PHYHIPL: variants seen among roughly 807,000 people sequenced by gnomAD.
PHYHIPL encodes phytanoyl-CoA 2-hydroxylase interacting protein like.
In PHYHIPL, 9 loss-of-function variants were observed where a neutral mutation model predicts 33.4. The observed-to-expected ratio is 0.27, with a 90% CI of 0.16 to 0.47. The LOEUF (loss-of-function observed/expected upper bound fraction) is 0.47, where lower values mean the gene tolerates loss of function less well. PHYHIPL is among the 20% of genes least tolerant of loss of function. The probability of loss-of-function intolerance (pLI) is 0.99; values close to 1 mark genes in which losing one functional copy is unlikely to be tolerated. For missense variants in PHYHIPL, 365 were observed against 460.7 expected, an observed-to-expected ratio of 0.79 and a Z score of 1.90; for synonymous variants, 153 against 154.1, an observed-to-expected ratio of 0.99 and a Z score of 0.05.
At chr10:59,222,194 A>G (rs12412923) in intron 1 of PHYHIPL, among the ~76,000 whole-genome samples, 14,200 of 152,098 alleles carry the variant, frequency 0.093, 848 homozygotes, top group South Asian at 0.2. Flanking sequence ...CAGAATAATT[A>G]GAGATTTTAA....
chr10:59,242,684 C>T (rs532217311), intron 4 of PHYHIPL, among the ~76,000 whole-genome samples: 27 of 151,986 alleles, frequency 1.8e-4, no homozygotes, highest in African/African-American at 5.5e-4. Flanking sequence ...CACATAAAAA[C>T]GGAAGCAGCA....
chr10:59,230,659 G>A (rs1017638928), intron 1 of PHYHIPL, among the ~76,000 whole-genome samples: 12 of 152,090 alleles, frequency 7.9e-5, no homozygotes, highest in African/African-American at 2.9e-4. Context: ...AGTTTATTTT[G>A]CCAAAGTTAA....
At chr10:59,194,878 T>C (rs1488090481) in intron 1 of PHYHIPL, among the ~76,000 whole-genome samples, 1 of 152,240 alleles carries the variant, frequency 6.6e-6, no homozygotes, top group African/African-American at 2.4e-5. Context: ...TTTAATAGCA[T>C]GCTAGACAGC....
At chr10:59,221,661 T>C in intron 1 of PHYHIPL, 1 of 984,592 alleles carries the variant, frequency 1.0e-6, no homozygotes, top group Non-Finnish European at 1.2e-6. Context: ...GTGTTTCTTC[T>C]ATGAACTGTG....
At chr10:59,183,033 C>A (rs1467161527) in intron 1 of PHYHIPL, among the ~76,000 whole-genome samples, 4 of 152,148 alleles carry the variant, frequency 2.6e-5, no homozygotes, top group African/African-American at 9.7e-5. Flanking sequence ...AGAGGCATAT[C>A]TCTCTCATAG....
intron 1 of PHYHIPL, among the ~76,000 whole-genome samples, chr10:59,180,316 A>ATGTG (rs1219566088): frequency 3.4e-4 from 2 of 5,892 alleles, no homozygotes; most frequent in Admixed American, 2.0e-3. Flanking sequence ...TAGAAAAAGT[A>ATGTG]TATATATATA....
At chr10:59,184,488 G>A (rs1045314762) in intron 1 of PHYHIPL, among the ~76,000 whole-genome samples, 10 of 152,134 alleles carry the variant, frequency 6.6e-5, no homozygotes, top group Admixed American at 1.3e-4. Flanking sequence ...AGGGTTTTGC[G>A]ATTAGGCGAG....
chr10:59,202,525 A>G (rs917254132), intron 1 of PHYHIPL, among the ~76,000 whole-genome samples: 1 of 152,050 alleles, frequency 6.6e-6, no homozygotes, highest in African/African-American at 2.4e-5. Flanking sequence ...GACTTGGGTA[A>G]TTTAGATATG....
chr10:59,176,782 C>A lies in PHYHIPL; in HGVS notation c.-72C>A. The A allele has an allele frequency of 7.2e-7, 1 of 1,387,398 alleles. No homozygotes were observed. Among genetic ancestry groups the A allele is most frequent in the Non-Finnish European group, 9.9e-7 (1 of 1,005,406 alleles). 85.9% of individuals were successfully genotyped at this position (1,387,398 alleles called of 1,614,324 possible). A position where few individuals can be genotyped will look rare whatever the true frequency, so the allele number is the denominator to read the frequency against. On this transcript the variant is annotated 5_prime_UTR_variant, in exon 1 of 5. Coordinates refer to ENST00000373880, the MANE Select transcript of PHYHIPL (RefSeq NM_032439.4). ...TCTGCCACTCCCCCTCCCTTTCCCG[C>A]TCTTCTTGCCCACCCGGCCGGCAGA...
At position 59,184,676 on chromosome 10, in the gene PHYHIPL, T is replaced by C. The variant is rs530823414; in HGVS notation, c.106+7717T>C. Among the ~76,000 whole-genome samples, 132 of 152,028 alleles carry C rather than the reference T, an allele frequency of 8.7e-4. 3 individuals carry two copies. Among genetic ancestry groups the C allele is most frequent in the Non-Finnish European group, 1.3e-3 (91 of 67,982 alleles). On this transcript the variant is annotated intron_variant, in intron 1 of 4. Coordinates refer to ENST00000373880, the MANE Select transcript of PHYHIPL (RefSeq NM_032439.4). ...TTGTATTATTATTATACTTTAAGTT[T>C]TAGGGTACATGTGCACAACGTGCAG...
At chr10:59,207,317 C>T (rs997386110) in intron 1 of PHYHIPL, among the ~76,000 whole-genome samples, 5 of 152,238 alleles carry the variant, frequency 3.3e-5, no homozygotes, top group East Asian at 1.9e-4. Flanking sequence ...ACCTGGGAAG[C>T]GCAAGGGGTC....
chr10:59,216,172 T>C (rs1839608293), intron 1 of PHYHIPL, among the ~76,000 whole-genome samples: 1 of 152,112 alleles, frequency 6.6e-6, no homozygotes, highest in Non-Finnish European at 1.5e-5. Context: ...AAGGATCATA[T>C]GGCTATTTAA....
upstream of PHYHIPL, among the ~76,000 whole-genome samples, chr10:59,175,958 C>T (rs1190539650): frequency 6.6e-6 from 1 of 152,254 alleles, no homozygotes; most frequent in African/African-American, 2.4e-5. Flanking sequence ...GCCTTTTCAG[C>T]AGGCTTGCTG....
chr10:59,211,450 C>T (rs1341690287), intron 1 of PHYHIPL, among the ~76,000 whole-genome samples: 1 of 151,932 alleles, frequency 6.6e-6, no homozygotes, highest in East Asian at 1.9e-4. Context: ...GATCTCGGCT[C>T]ACTGCATCCT....
chr10:59,191,387 T>G (rs76373420), intron 1 of PHYHIPL, among the ~76,000 whole-genome samples: 91 of 152,114 alleles, frequency 6.0e-4, no homozygotes, highest in African/African-American at 2.1e-3. Flanking sequence ...AATGCAACAT[T>G]TGATAAGGTT....
At chr10:59,230,448 C>T (rs1270877252) in intron 1 of PHYHIPL, among the ~76,000 whole-genome samples, 3 of 152,084 alleles carry the variant, frequency 2.0e-5, no homozygotes, top group Admixed American at 2.0e-4. Flanking sequence ...CTCTTGGGCT[C>T]AAGCAATCAG....
intron 1 of PHYHIPL, among the ~76,000 whole-genome samples, chr10:59,199,085 C>T (rs553027156): frequency 6.6e-6 from 1 of 152,102 alleles, no homozygotes; most frequent in Admixed American, 6.6e-5. Context: ...TCAATTTTGG[C>T]TTTTATTGCC....
At chr10:59,207,110 C>T (rs1839306398) in intron 1 of PHYHIPL, among the ~76,000 whole-genome samples, 1 of 152,258 alleles carries the variant, frequency 6.6e-6, no homozygotes, top group South Asian at 2.1e-4. Flanking sequence ...GTATACATTA[C>T]TTAAGAATAT....
intron 1 of PHYHIPL, among the ~76,000 whole-genome samples, chr10:59,204,761 T>C (rs1356876821): frequency 6.6e-6 from 1 of 152,186 alleles, no homozygotes; most frequent in African/African-American, 2.4e-5. Flanking sequence ...ATTTTTATGC[T>C]TCCATATGTC....
Sources: gnomAD v4.1 joint callset for allele counts (sites outside exome capture counted in the v4.1 genomes callset) on GRCh38, gnomAD v4.1.1 for gene constraint, MANE v1.5 for transcripts, NCBI Gene and HGNC (gene_info 2026-07-23, HGNC 2026-07-21) for gene names.